The following PYDC5 variants were observed in gnomAD, a reference collection of about 807,000 sequenced individuals.
PYDC5 encodes pyrin domain-containing protein 5.
the PYDC5 span, among the ~76,000 whole-genome samples, chr1:159,000,973 A>G: frequency 6.6e-6 from 1 of 152,210 alleles, no homozygotes; most frequent in Non-Finnish European, 1.5e-5. Flanking sequence ...CAATATGTTG[A>G]GGTAGGGGAA....
chr1:159,002,381 G>A, the PYDC5 span, among the ~76,000 whole-genome samples: 1 of 150,848 alleles, frequency 6.6e-6, no homozygotes, highest in African/African-American at 2.4e-5. Flanking sequence ...CAGATATATA[G>A]TAGTGTTATA....
chr1:159,002,445 A>G, the PYDC5 span, among the ~76,000 whole-genome samples: 1 of 152,188 alleles, frequency 6.6e-6, no homozygotes, highest in African/African-American at 2.4e-5. Flanking sequence ...CTTTTCAACC[A>G]GAATATTGGC....
the PYDC5 span, among the ~76,000 whole-genome samples, chr1:159,002,113 T>C: frequency 2.6e-5 from 4 of 152,230 alleles, no homozygotes; most frequent in African/African-American, 9.6e-5. Flanking sequence ...GTATGCCTGA[T>C]ACAAAACAGC....
At chr1:159,000,186 G>T in the PYDC5 span, 1 of 231,426 alleles carries the variant, frequency 4.3e-6, no homozygotes, top group South Asian at 9.4e-5. Context: ...GTGCTGTTTA[G>T]AGTATGCAGT....
At chr1:159,001,288 T>C in the PYDC5 span, among the ~76,000 whole-genome samples, 3 of 152,170 alleles carry the variant, frequency 2.0e-5, no homozygotes, top group Non-Finnish European at 2.9e-5. Flanking sequence ...AGTAGCAACC[T>C]ATATGGTAGA....
the PYDC5 span, among the ~76,000 whole-genome samples, chr1:159,000,585 CAG>C: frequency 2.6e-5 from 4 of 152,130 alleles, no homozygotes; most frequent in Non-Finnish European, 4.4e-5. Context: ...ATTTTTAAAA[CAG>C]AGTTATTCAG....
chr1:159,002,267 A>T, the PYDC5 span, among the ~76,000 whole-genome samples: 142,006 of 152,122 alleles, frequency 0.93, 67,074 homozygotes, highest in East Asian at 1. Flanking sequence ...TTATGCCAAC[A>T]GCCTGCTTAT....
chr1:159,002,566 A>G, the PYDC5 span, among the ~76,000 whole-genome samples: 1 of 152,050 alleles, frequency 6.6e-6, no homozygotes, highest in African/African-American at 2.4e-5. Flanking sequence ...ACCTCATACC[A>G]TTTGTATTTC....
chr1:159,000,165 G>A, the PYDC5 span: 1 of 198,082 alleles, frequency 5.0e-6, no homozygotes, highest in East Asian at 1.2e-4. Context: ...TTTAAATCAA[G>A]TTGGCTACTC....
At chr1:159,002,210 C>T in the PYDC5 span, among the ~76,000 whole-genome samples, 1 of 151,976 alleles carries the variant, frequency 6.6e-6, no homozygotes, top group East Asian at 1.9e-4. Context: ...AAAGACAGTA[C>T]ATATTACTGA....
the PYDC5 span, among the ~76,000 whole-genome samples, chr1:159,000,633 C>T: frequency 6.6e-6 from 1 of 152,162 alleles, no homozygotes; most frequent in Non-Finnish European, 1.5e-5. Flanking sequence ...ACATATTTCA[C>T]ATGTGCAATT....
the PYDC5 span, among the ~76,000 whole-genome samples, chr1:159,002,205 C>A: frequency 2.6e-5 from 4 of 152,094 alleles, no homozygotes; most frequent in African/African-American, 4.8e-5. Flanking sequence ...TAGTAAAAGA[C>A]AGTACATATT....
At chr1:159,001,906 G>A in the PYDC5 span, among the ~76,000 whole-genome samples, 4 of 152,156 alleles carry the variant, frequency 2.6e-5, no homozygotes, top group Admixed American at 2.0e-4. Flanking sequence ...TCATGTCCCA[G>A]GGGTGTACAC....
the PYDC5 span, among the ~76,000 whole-genome samples, chr1:159,001,290 T>C: frequency 6.6e-6 from 1 of 152,188 alleles, no homozygotes; most frequent in Non-Finnish European, 1.5e-5. Flanking sequence ...TAGCAACCTA[T>C]ATGGTAGAGG....
the PYDC5 span, among the ~76,000 whole-genome samples, chr1:159,002,209 A>T: frequency 6.6e-6 from 1 of 152,180 alleles, no homozygotes; most frequent in Non-Finnish European, 1.5e-5. Context: ...AAAAGACAGT[A>T]CATATTACTG....
At chr1:159,001,524 G>A in the PYDC5 span, among the ~76,000 whole-genome samples, 1 of 152,026 alleles carries the variant, frequency 6.6e-6, no homozygotes, top group African/African-American at 2.4e-5. Flanking sequence ...GTATTTTAAG[G>A]GACATTTTCA....
At chr1:159,000,623 A>G in the PYDC5 span, among the ~76,000 whole-genome samples, 1 of 152,196 alleles carries the variant, frequency 6.6e-6, no homozygotes, top group Non-Finnish European at 1.5e-5. Context: ...AACACAATGC[A>G]CATATTTCAC....
the PYDC5 span, chr1:159,000,139 G>T: frequency 5.6e-6 from 1 of 177,626 alleles, no homozygotes. Context: ...CCTCACTGCA[G>T]ACACCATGCC....
chr1:159,000,647 A>AT, the PYDC5 span, among the ~76,000 whole-genome samples: 1 of 152,190 alleles, frequency 6.6e-6, no homozygotes, highest in Non-Finnish European at 1.5e-5. Context: ...TGCAATTTAA[A>AT]TTTTTTGACA....
Sources: allele counts gnomAD v4.1 joint callset (sites outside exome capture counted in the v4.1 genomes callset), GRCh38; gene constraint gnomAD v4.1.1; transcripts MANE v1.5; gene names NCBI Gene and HGNC (gene_info 2026-07-23, HGNC 2026-07-21).